The following RGS12 variants were observed in gnomAD, a reference collection of about 807,000 sequenced individuals.
RGS12 encodes regulator of G-protein signaling 12.
In RGS12, 66 loss-of-function variants were observed where a neutral mutation model predicts 120.1. The ratio of observed to expected loss-of-function variants is 0.55; its 90% CI spans 0.45 to 0.67. The LOEUF is 0.67. RGS12 is among the 30% of genes least tolerant of loss of function. RGS12 has a pLI of 0.00. For synonymous variants in RGS12, 827 were observed against 804.7 expected (o/e 1.03, Z -0.47); for missense variants, 1,859 against 1,957.7 (o/e 0.95, Z 0.95).
chr4:3,418,625 C>A (rs1560166181), intron 9 of RGS12: 7 of 152,332 alleles, frequency 4.6e-5, no homozygotes, highest in Admixed American at 4.6e-4. Flanking sequence ...AAGCGTTGTT[C>A]CCGGGGCGCT....
chr4:3,318,969 G>A (rs995623271), intron 2 of RGS12, among the ~76,000 whole-genome samples: 9 of 152,228 alleles, frequency 5.9e-5, no homozygotes, highest in African/African-American at 2.2e-4. Flanking sequence ...CACCTTTTTA[G>A]TGTTTGTTCA....
intron 1 of RGS12, chr4:3,314,080 ATAGT>A (rs1724579482): frequency 6.6e-6 from 1 of 151,626 alleles, no homozygotes; most frequent in African/African-American, 2.4e-5. Context: ...ATGATTTTAA[ATAGT>A]TAAATGCCCA....
chr4:3,422,540 C>T lies in RGS12; in HGVS notation c.3003C>T (p.Ala1001=), dbSNP rs756871467. The T allele has an allele frequency of 1.4e-5, 22 of 1,612,556 alleles. No individual in the cohort carries two copies. The highest frequency in any genetic ancestry group is 9.3e-5 in the African/African-American group (7 of 74,952). ...AGCGGCATGGCATCAACGGGGCGGC[C>T]GCGGACCTCTTCCTGGTGGGCGGGG... The part of the protein sequence containing the change: ...LCERHGINGA[A]ADLFLVGGDK... The change falls in exon 11 of 18, where the codon GCC becomes GCT. Residue 1001 remains alanine, a synonymous_variant. Transcript: ENST00000336727.
At chr4:3,312,328 T>G (rs1724450590) in intron 1 of RGS12, among the ~76,000 whole-genome samples, 1 of 152,224 alleles carries the variant, frequency 6.6e-6, no homozygotes, top group Non-Finnish European at 1.5e-5. Flanking sequence ...AGTTTGAGAC[T>G]AGTCTGGGCA....
chr4:3,397,963 C>G (rs912808459), intron 4 of RGS12, among the ~76,000 whole-genome samples: 2 of 152,184 alleles, frequency 1.3e-5, no homozygotes, highest in African/African-American at 4.8e-5. Flanking sequence ...GGTTTACATC[C>G]TAATTCTGCT....
At chr4:3,407,085 C>CT (rs991865515) in intron 4 of RGS12, among the ~76,000 whole-genome samples, 7 of 152,110 alleles carry the variant, frequency 4.6e-5, no homozygotes, top group African/African-American at 1.2e-4. Flanking sequence ...CCTACAAGTA[C>CT]TTTTTTTTCC....
chr4:3,416,246 G>C lies in RGS12; in HGVS notation c.2427+125G>C. On this transcript the variant is annotated intron_variant, in intron 7 of 17. Coordinates refer to ENST00000336727, the MANE Select transcript of RGS12 (RefSeq NM_001394154.1). Reference sequence around the variant, plus strand: ...CGAGAGCATCACAGACGCAGGTAGAGAAACGCAGACAGAAAGTGGGGCTTT... The same window carrying C: ...CGAGAGCATCACAGACGCAGGTAGACAAACGCAGACAGAAAGTGGGGCTTT... 4 of 1,119,516 alleles carry C rather than the reference G, an allele frequency of 3.6e-6. No individual in the cohort carries two copies. In the South Asian group the frequency reaches 6.5e-5, roughly 18 times the overall value. 69.3% of individuals were successfully genotyped at this position (1,119,516 alleles called of 1,614,324 possible). A position where few individuals can be genotyped will look rare whatever the true frequency, so the allele number is the denominator to read the frequency against.
chr4:3,360,519 C>T (rs1715452526), intron 3 of RGS12, among the ~76,000 whole-genome samples: 1 of 151,738 alleles, frequency 6.6e-6, no homozygotes, highest in African/African-American at 2.4e-5. Flanking sequence ...TATAAATTTC[C>T]CCTTTAGTAC....
At chr4:3,292,497 C>T (rs1453703390), upstream of RGS12, among the ~76,000 whole-genome samples, 1 of 152,176 alleles carries the variant, frequency 6.6e-6, no homozygotes, top group Non-Finnish European at 1.5e-5. Context: ...GGCATCTGCC[C>T]AGCCGAAAAG....
intron 4 of RGS12, among the ~76,000 whole-genome samples, chr4:3,398,104 T>C (rs751287672): frequency 1.3e-5 from 2 of 152,224 alleles, no homozygotes; most frequent in Non-Finnish European, 2.9e-5. Context: ...ACCTGGTACA[T>C]TATAAGGAGT....
chr4:3,338,179 G>C (rs1185560292), intron 2 of RGS12, among the ~76,000 whole-genome samples: 2 of 152,224 alleles, frequency 1.3e-5, no homozygotes, highest in African/African-American at 2.4e-5. Context: ...TCCTGCCTCA[G>C]CCTTCTGAGT....
chr4:3,409,611 G>GC (rs1721518143), intron 4 of RGS12, among the ~76,000 whole-genome samples: 2 of 152,232 alleles, frequency 1.3e-5, no homozygotes, highest in Admixed American at 6.5e-5. Flanking sequence ...GGGGAGGTGG[G>GC]CCCGGGGGCT....
At chr4:3,353,001 C>T (rs768965005) in intron 3 of RGS12, among the ~76,000 whole-genome samples, 11 of 152,326 alleles carry the variant, frequency 7.2e-5, no homozygotes, top group South Asian at 4.1e-4. Flanking sequence ...AAAACTTTGC[C>T]GATGGGGCAG....
chr4:3,316,618 A>G lies in RGS12; in HGVS notation c.448A>G (p.Ile150Val). 1.2e-6 allele frequency: 2 copies of G among 1,614,118 alleles called. No individual in the cohort carries two copies. Among genetic ancestry groups the G allele is most frequent in the Non-Finnish European group, 8.5e-7 (1 of 1,180,022 alleles). ...GCAGTCTGGTGGAATTTTCAATATG[A>G]TTTTTGAAAACCCGAGCCTTTGTGC... ...EMQSGGIFNM[I>V]FENPSLCASN... The change falls in exon 2 of 18, where the codon ATT becomes GTT. Residue 150 changes from isoleucine (I) to valine (V), a missense_variant. Physicochemically the swap from Ile to Val is conservative, Grantham distance 29. Transcript: ENST00000336727.
intron 4 of RGS12, among the ~76,000 whole-genome samples, chr4:3,393,843 C>T (rs138912306): frequency 2.0e-5 from 3 of 152,280 alleles, no homozygotes; most frequent in African/African-American, 7.2e-5. Context: ...CAGGTCATGA[C>T]GGCACCTTGT....
At chr4:3,294,588 T>C (rs116515607) in intron 1 of RGS12, among the ~76,000 whole-genome samples, 1,658 of 152,306 alleles carry the variant, frequency 0.011, 24 homozygotes, top group Middle Eastern at 0.034. Flanking sequence ...CTGGATGCTC[T>C]GCAGGTGGGG....
In RGS12 at chr4:3,416,968, A is replaced by T. The variant is rs1317618436; in HGVS notation, c.2483A>T (p.Tyr828Phe). The T allele has an allele frequency of 6.2e-7, 1 of 1,612,962 alleles. No individual in the cohort carries two copies. Among genetic ancestry groups the T allele is most frequent in the South Asian group, 1.1e-5 (1 of 91,058 alleles). ...ACTCGCTTTCTGAAGTCCCCGCTGT[A>T]CCAGGAATGCATCCTGGCGGAAGTG... The part of the protein sequence containing the change: ...SYTRFLKSPL[Y>F]QECILAEVEG... Residue 828 changes from tyrosine to phenylalanine, a missense_variant, in exon 8 of 18, where the codon TAC becomes TTC. Tyr to Phe is a conservative substitution (Grantham distance 22). Coordinates refer to ENST00000336727, the MANE Select transcript of RGS12 (RefSeq NM_001394154.1).
chr4:3,299,733 T>TA (rs1560637354), intron 1 of RGS12, among the ~76,000 whole-genome samples: 1 of 152,228 alleles, frequency 6.6e-6, no homozygotes, highest in African/African-American at 2.4e-5. Flanking sequence ...TAGCCTAGAA[T>TA]AGATGCATTT....
chr4:3,409,097 G>C (rs1407968337), intron 4 of RGS12, among the ~76,000 whole-genome samples: 3 of 152,152 alleles, frequency 2.0e-5, no homozygotes, highest in Admixed American at 6.5e-5. Context: ...CCCAGGAGAG[G>C]GTCTGGCACC....
Sources: gnomAD v4.1 joint callset for allele counts (sites outside exome capture counted in the v4.1 genomes callset) on GRCh38, gnomAD v4.1.1 for gene constraint, MANE v1.5 for transcripts, NCBI Gene and HGNC (gene_info 2026-07-23, HGNC 2026-07-21) for gene names.